The following MIPEP variants were observed in gnomAD, a reference collection of about 807,000 sequenced individuals.
MIPEP encodes mitochondrial intermediate peptidase.
MIPEP carries 79 observed loss-of-function variants against 90.3 expected under a neutral mutation model. The observed-to-expected ratio is 0.87, with a 90% confidence interval of 0.73 to 1.05. The LOEUF (loss-of-function observed/expected upper bound fraction) is 1.05. MIPEP is among the 50% of genes least tolerant of loss of function. The pLI is 0.00. For synonymous variants in MIPEP, 334 were observed against 315.8 expected, an observed-to-expected ratio of 1.06 and a Z score of -0.61; for missense variants, 940 against 905.6, an observed-to-expected ratio of 1.04 and a Z score of -0.49.
chr13:23,758,430 T>C (rs1007725302), intron 17 of MIPEP, among the ~76,000 whole-genome samples: 1 of 152,238 alleles, frequency 6.6e-6, no homozygotes, highest in African/African-American at 2.4e-5. Context: ...ACTACATGTC[T>C]AGGCAAGAAT....
chr13:23,882,899 A>G (rs1267483289), intron 2 of MIPEP, among the ~76,000 whole-genome samples: 1 of 152,122 alleles, frequency 6.6e-6, no homozygotes, highest in Non-Finnish European at 1.5e-5. Flanking sequence ...TTGTGAATTT[A>G]TAATCAATAT....
intron 18 of MIPEP, 133 bp downstream of exon 18, chr13:23,756,412 C>A: frequency 2.2e-6 from 2 of 897,434 alleles, no homozygotes; most frequent in South Asian, 1.4e-5. Context: ...TCCTTGGGGC[C>A]TCCCAAAGTG....
At chr13:23,752,867 A>G (rs1952455508) in intron 18 of MIPEP, among the ~76,000 whole-genome samples, 1 of 152,128 alleles carries the variant, frequency 6.6e-6, no homozygotes. Context: ...CTGCAAAGCT[A>G]CTGCCACACG....
At chr13:23,815,496 AT>A (rs1319306913) in intron 14 of MIPEP, among the ~76,000 whole-genome samples, 28 of 152,092 alleles carry the variant, frequency 1.8e-4, no homozygotes, top group African/African-American at 6.8e-4. Context: ...TATAGTAGAG[AT>A]GGGGTTTTGC....
rs546617874 is a variant in MIPEP, at chr13:23,795,957, T to G, written c.1848+9993A>C. 4.6e-5 allele frequency among the ~76,000 whole-genome samples: 7 copies of G among 152,064 alleles called. No individual in the cohort carries two copies. The South Asian group carries it at 1.5e-3, about 32-fold the overall frequency. On this transcript the variant is annotated intron_variant, in intron 16 of 18. Transcript: ENST00000382172. ...CTGCAATGAGCCATAATCATGCCAA[T>G]GCACTCCAGCCTAAGTGATGGAGCA...
chr13:23,771,894 T>A (rs568896510), intron 16 of MIPEP, among the ~76,000 whole-genome samples: 129 of 152,222 alleles, frequency 8.5e-4, no homozygotes, highest in African/African-American at 3.0e-3. Context: ...AAAAAGTACA[T>A]CCTATTAACT....
chr13:23,870,488 A>G (rs950053209), intron 5 of MIPEP, among the ~76,000 whole-genome samples: 1 of 152,206 alleles, frequency 6.6e-6, no homozygotes, highest in Admixed American at 6.5e-5. Context: ...AGGTTATATA[A>G]CTAATTGTTG....
intron 16 of MIPEP, among the ~76,000 whole-genome samples, chr13:23,788,533 C>T (rs1952870839): frequency 6.6e-6 from 1 of 152,210 alleles, no homozygotes; most frequent in African/African-American, 2.4e-5. Flanking sequence ...GAATGATACA[C>T]ATCACTTCTG....
chr13:23,827,625 T>C (rs1345456418), intron 14 of MIPEP, among the ~76,000 whole-genome samples: 1 of 152,190 alleles, frequency 6.6e-6, no homozygotes, highest in Non-Finnish European at 1.5e-5. Flanking sequence ...AGAAAAATCA[T>C]AAGCAATCCC....
Position 23,760,076 on chromosome 13 carries a change from T to G in MIPEP, c.1970+20A>C, listed in dbSNP as rs11620036. On this transcript the variant is annotated intron_variant, in intron 17 of 18. Coordinates refer to ENST00000382172, the MANE Select transcript of MIPEP (RefSeq NM_005932.4). ...TTACTGTGGTCCAAGATGGGGACAT[T>G]TTAGAACTTACCCCCTTACCTGTTG... 408,453 of 1,613,020 alleles carry G rather than the reference T, an allele frequency of 0.25. 56,181 individuals are homozygous for G. The highest frequency in any genetic ancestry group is 0.29 in the Non-Finnish European group (341,378 of 1,179,202).
rs753252850 is a variant in MIPEP, at chr13:23,809,899, C to T, written c.1679G>A (p.Arg560His). ...GQPLPKNMVS[R>H]LCESKKVCAA... ...ACAAACCTTTTTAGATTCACAAAGACGAGACACCATATTTTTTGGCAGTGG... is the reference window on the plus strand; with the variant it reads ...ACAAACCTTTTTAGATTCACAAAGATGAGACACCATATTTTTTGGCAGTGG... Residue 560 changes from arginine to histidine, a missense_variant, in exon 15 of 19, where the codon CGT becomes CAT. Coordinates refer to ENST00000382172, the MANE Select transcript of MIPEP (RefSeq NM_005932.4). The T allele has an allele frequency of 4.2e-5, 68 of 1,613,162 alleles. No individual in the cohort carries two copies. The highest frequency in any genetic ancestry group is 1.6e-4 in the Middle Eastern group (1 of 6,080).
chr13:23,762,988 A>G (rs1412572635), intron 16 of MIPEP, among the ~76,000 whole-genome samples: 1 of 152,244 alleles, frequency 6.6e-6, no homozygotes, highest in African/African-American at 2.4e-5. Flanking sequence ...AGAGAAAGGT[A>G]GACACGTACT....
At chr13:23,873,383 C>T (rs758352789) in intron 5 of MIPEP, among the ~76,000 whole-genome samples, 9 of 152,138 alleles carry the variant, frequency 5.9e-5, no homozygotes, top group Non-Finnish European at 1.0e-4. Flanking sequence ...TGTTCACAGA[C>T]GGGGAAGACT....
intron 18 of MIPEP, among the ~76,000 whole-genome samples, chr13:23,736,022 G>A (rs1952260113): frequency 6.6e-6 from 1 of 152,060 alleles, no homozygotes; most frequent in Admixed American, 6.5e-5. Flanking sequence ...CTTTTTTAAA[G>A]CTGACAAAGA....
chr13:23,791,034 A>C (rs768405407), intron 16 of MIPEP, among the ~76,000 whole-genome samples: 2 of 152,024 alleles, frequency 1.3e-5, no homozygotes, highest in Non-Finnish European at 2.9e-5. Context: ...CTAACTCTCT[A>C]GTACCCTATC....
intron 16 of MIPEP, among the ~76,000 whole-genome samples, chr13:23,768,256 C>T (rs1952612673): frequency 6.6e-6 from 1 of 152,180 alleles, no homozygotes; most frequent in African/African-American, 2.4e-5. Flanking sequence ...ATCACTAACA[C>T]CAAAACTGAT....
In MIPEP at chr13:23,870,134, C is replaced by G. The variant is rs766241689; in HGVS notation, c.665G>C (p.Gly222Ala). ...CTCAATCTTGTTGGGAAAATTGGTTCCCATAAGAAATGTACTACTCAAATC... is the reference window on the plus strand; with the variant it reads ...CTCAATCTTGTTGGGAAAATTGGTTGCCATAAGAAATGTACTACTCAAATC... ...ILDLSSTFLM[G>A]TNFPNKIEKH... The change falls in exon 6 of 19, where the codon GGA (glycine) becomes GCA (alanine). Residue 222 changes from glycine (G) to alanine (A), a missense_variant. Coordinates refer to ENST00000382172, the MANE Select transcript of MIPEP (RefSeq NM_005932.4). 1.9e-6 allele frequency: 3 copies of G among 1,612,106 alleles called. No homozygotes were observed. Among genetic ancestry groups the G allele is most frequent in the Non-Finnish European group, 2.5e-6 (3 of 1,179,032 alleles).
intron 16 of MIPEP, among the ~76,000 whole-genome samples, chr13:23,804,443 A>G (rs1205814792): frequency 2.0e-5 from 3 of 152,350 alleles, no homozygotes; most frequent in African/African-American, 7.2e-5. Flanking sequence ...AATGCTAGTA[A>G]AATCTAGGCA....
At chr13:23,746,666 C>T (rs1262889425) in intron 18 of MIPEP, among the ~76,000 whole-genome samples, 2 of 149,066 alleles carry the variant, frequency 1.3e-5, no homozygotes, top group African/African-American at 2.5e-5. Context: ...AAAAAAGGAA[C>T]ACCATCTATA....
Sources: gnomAD v4.1 joint callset for allele counts (sites outside exome capture counted in the v4.1 genomes callset) on GRCh38, gnomAD v4.1.1 for gene constraint, MANE v1.5 for transcripts, NCBI Gene and HGNC (gene_info 2026-07-23, HGNC 2026-07-21) for gene names.